Variants in SOX5 observed in about 807,000 individuals in gnomAD.
The protein encoded by SOX5 is SRY-box transcription factor 5, also known as transcription factor SOX-5.
Under a neutral mutation model 92.0 loss-of-function variants are expected in SOX5, and 9 were observed. The ratio of observed to expected loss-of-function variants is 0.10; its 90% CI spans 0.06 to 0.17. The LOEUF (loss-of-function observed/expected upper bound fraction) is 0.17, where lower values mean the gene tolerates loss of function less well. Among genes scored for constraint, SOX5 ranks in the 10% least tolerant of loss-of-function variants. The probability of loss-of-function intolerance (pLI) is 1.00; values close to 1 mark genes in which losing one functional copy is unlikely to be tolerated. For synonymous variants in SOX5, 344 were observed against 336.3 expected, an observed-to-expected ratio of 1.02 and a Z score of -0.25; for missense variants, 642 against 944.5, an observed-to-expected ratio of 0.68 and a Z score of 4.20.
chr12:24,064,513 A>G (rs1940320199), intron 4 of SOX5, among the ~76,000 whole-genome samples: 1 of 152,270 alleles, frequency 6.6e-6, no homozygotes, highest in African/African-American at 2.4e-5. Flanking sequence ...GAAATATAAT[A>G]TGCAGAACAA....
chr12:24,443,353 G>A (rs1940953773), intron 1 of SOX5, among the ~76,000 whole-genome samples: 1 of 152,160 alleles, frequency 6.6e-6, no homozygotes. Flanking sequence ...TACTGCAAAT[G>A]CTTTCAATAA....
At chr12:23,859,467 G>C (rs755473209) in intron 2 of SOX5, among the ~76,000 whole-genome samples, 1 of 152,306 alleles carries the variant, frequency 6.6e-6, no homozygotes, top group East Asian at 1.9e-4. Context: ...AGTCAGACCA[G>C]TTATCTGCTC....
intron 4 of SOX5, among the ~76,000 whole-genome samples, chr12:24,167,976 C>G (rs1953623173): frequency 6.6e-6 from 1 of 152,192 alleles, no homozygotes; most frequent in Non-Finnish European, 1.5e-5. Context: ...CACAGACTGC[C>G]ATCTCTTAGA....
intron 4 of SOX5, among the ~76,000 whole-genome samples, chr12:24,001,445 G>T (rs1204687888): frequency 6.6e-6 from 1 of 151,650 alleles, no homozygotes; most frequent in African/African-American, 2.4e-5. Context: ...ACAAAAGAAA[G>T]TTTAAAAAAA....
chr12:24,149,259 CATAA>C (rs1318267474), intron 4 of SOX5, among the ~76,000 whole-genome samples: 2 of 151,990 alleles, frequency 1.3e-5, no homozygotes, highest in East Asian at 1.9e-4. Context: ...TTTTAAAAAG[CATAA>C]ATAGTCAAGA....
chr12:23,875,087 A>G (rs1031965957), intron 2 of SOX5, among the ~76,000 whole-genome samples: 1 of 152,178 alleles, frequency 6.6e-6, no homozygotes, highest in African/African-American at 2.4e-5. Flanking sequence ...TTCTCTGTGC[A>G]TCTTAAGACT....
At chr12:24,358,986 T>A (rs1204687574) in intron 2 of SOX5, among the ~76,000 whole-genome samples, 1 of 152,198 alleles carries the variant, frequency 6.6e-6, no homozygotes, top group Non-Finnish European at 1.5e-5. Context: ...ATAAAGAAAG[T>A]GAGGCATCAA....
intron 3 of SOX5, among the ~76,000 whole-genome samples, chr12:23,771,728 T>C (rs574929540): frequency 6.6e-6 from 1 of 152,330 alleles, no homozygotes; most frequent in South Asian, 2.1e-4. Flanking sequence ...GTTCTGCTTC[T>C]CTCGGGGCAT....
chr12:23,943,678 A>C (rs1405491816), intron 1 of SOX5, among the ~76,000 whole-genome samples: 1 of 152,144 alleles, frequency 6.6e-6, no homozygotes, highest in African/African-American at 2.4e-5. Flanking sequence ...CTAGAGAGCC[A>C]AGTGACTAAA....
chr12:23,607,587 G>A (rs1412149820), intron 8 of SOX5, among the ~76,000 whole-genome samples: 1 of 152,102 alleles, frequency 6.6e-6, no homozygotes, highest in Non-Finnish European at 1.5e-5. Context: ...AAGAAATGAT[G>A]AGCAGTTTCC....
At chr12:24,356,487 C>T (rs1954841721) in intron 2 of SOX5, among the ~76,000 whole-genome samples, 2 of 152,108 alleles carry the variant, frequency 1.3e-5, no homozygotes, top group African/African-American at 4.8e-5. Context: ...ACTACACTGA[C>T]AGTTTGACAG....
intron 1 of SOX5, among the ~76,000 whole-genome samples, chr12:24,470,657 A>C (rs1274313599): frequency 6.6e-6 from 1 of 152,210 alleles, no homozygotes; most frequent in African/African-American, 2.4e-5. Context: ...TGTGCTTTCC[A>C]AATCAGTCCC....
upstream of SOX5, among the ~76,000 whole-genome samples, chr12:23,953,044 C>T (rs1203414077): frequency 1.3e-5 from 2 of 152,082 alleles, no homozygotes; most frequent in Non-Finnish European, 2.9e-5. Context: ...TTTATAAAAG[C>T]TGTCATTAAG....
chr12:24,293,401 T>C (rs1946835194), intron 2 of SOX5, among the ~76,000 whole-genome samples: 1 of 152,210 alleles, frequency 6.6e-6, no homozygotes, highest in South Asian at 2.1e-4. Context: ...GAGGTAGTTA[T>C]ACAGTCACCA....
intron 6 of SOX5, 21 bp downstream of exon 6, chr12:23,734,663 A>G (rs2093520345): frequency 1.3e-6 from 2 of 1,565,198 alleles, no homozygotes; most frequent in Admixed American, 1.7e-5. Flanking sequence ...TTGTAAGTAT[A>G]TTGAAATTAT....
At chr12:24,149,318 T>C (rs913424932) in intron 4 of SOX5, among the ~76,000 whole-genome samples, 2 of 152,096 alleles carry the variant, frequency 1.3e-5, no homozygotes, top group African/African-American at 2.4e-5. Context: ...AAAGAACTTA[T>C]AATCCGAAAA....
At chr12:24,405,378 A>C (rs1487490741) in intron 1 of SOX5, among the ~76,000 whole-genome samples, 3 of 151,954 alleles carry the variant, frequency 2.0e-5, no homozygotes, top group Non-Finnish European at 4.4e-5. Flanking sequence ...TATACTCTTC[A>C]CTCATGGCGT....
intron 7 of SOX5, among the ~76,000 whole-genome samples, chr12:23,641,942 T>C (rs528032669): frequency 7.9e-5 from 12 of 152,356 alleles, no homozygotes; most frequent in African/African-American, 2.2e-4. Flanking sequence ...CTGCTATGTA[T>C]TAAGCATTCC....
intron 1 of SOX5, among the ~76,000 whole-genome samples, chr12:24,541,493 T>C (rs973892572): frequency 6.6e-6 from 1 of 152,216 alleles, no homozygotes; most frequent in African/African-American, 2.4e-5. Flanking sequence ...TCGACTCAAT[T>C]ATGGAACAAG....
Sources: allele counts gnomAD v4.1 joint callset (sites outside exome capture counted in the v4.1 genomes callset), GRCh38; gene constraint gnomAD v4.1.1; transcripts MANE v1.5; gene names NCBI Gene and HGNC (gene_info 2026-07-23, HGNC 2026-07-21).